PEBP4: variants seen among roughly 807,000 people sequenced by gnomAD.
PEBP4 encodes phosphatidylethanolamine-binding protein 4.
PEBP4 carries 22 observed loss-of-function variants against 23.9 expected under a neutral mutation model. That is an observed-to-expected ratio of 0.92 (90% CI 0.66 to 1.31). The LOEUF (loss-of-function observed/expected upper bound fraction) is 1.31, where lower values mean the gene tolerates loss of function less well. PEBP4 is among the 40% of genes most tolerant of loss of function. The pLI is 0.00. For missense variants in PEBP4, 324 were observed against 281.7 expected, an observed-to-expected ratio of 1.15 and a Z score of -1.07; for synonymous variants, 112 against 99.3, an observed-to-expected ratio of 1.13 and a Z score of -0.76.
At chr8:22,849,634 T>C (rs1010312652) in intron 3 of PEBP4, among the ~76,000 whole-genome samples, 8 of 152,252 alleles carry the variant, frequency 5.3e-5, no homozygotes. Flanking sequence ...ATGTGATTCA[T>C]GTCCCCAGTG....
chr8:22,860,862 C>A (rs1200495956), intron 3 of PEBP4, among the ~76,000 whole-genome samples: 1 of 152,166 alleles, frequency 6.6e-6, no homozygotes, highest in African/African-American at 2.4e-5. Flanking sequence ...CGGTGACAGC[C>A]CTGACTGTCC....
intron 1 of PEBP4, among the ~76,000 whole-genome samples, chr8:22,940,840 C>T (rs1809603690): frequency 6.6e-6 from 1 of 152,164 alleles, no homozygotes; most frequent in Admixed American, 6.5e-5. Flanking sequence ...TTTCTCTCCT[C>T]TGTCTCCTCT....
Position 22,804,474 on chromosome 8 carries a change from CT to C in PEBP4, c.357+13162del, listed in dbSNP as rs1423805919. On this transcript the variant is annotated intron_variant, in intron 4 of 6. Coordinates refer to ENST00000256404, the MANE Select transcript of PEBP4 (RefSeq NM_144962.3). ...CCAGATGCACATTTTTTCTTTCTTT[CT>C]TTCTTTTTTATTATGATGAGGTCAC... Among the ~76,000 whole-genome samples the C allele has an allele frequency of 5.9e-5, 9 of 152,132 alleles. No homozygotes were observed. The East Asian group carries it at 1.7e-3, about 29-fold the overall frequency.
chr8:22,814,773 T>C, intron 4 of PEBP4, among the ~76,000 whole-genome samples: 1 of 152,230 alleles, frequency 6.6e-6, no homozygotes, highest in Admixed American at 6.5e-5. Context: ...TATTATGGGG[T>C]CCAAAACACT....
intron 3 of PEBP4, among the ~76,000 whole-genome samples, chr8:22,822,354 AGTGTGTGTGTGTGT>A (rs34500729): frequency 6.8e-6 from 1 of 147,758 alleles, no homozygotes; most frequent in Non-Finnish European, 1.5e-5. Flanking sequence ...TATATACTAA[AGTGTGTGTGTGTGT>A]GTGTGTGTGT....
At chr8:22,932,171 T>A (rs796299432), upstream of PEBP4, among the ~76,000 whole-genome samples, 6 of 152,180 alleles carry the variant, frequency 3.9e-5, no homozygotes, top group South Asian at 1.2e-3. Flanking sequence ...TCCATTTATA[T>A]GAAATGTCCA....
chr8:22,907,986 A>G (rs1808850309), intron 3 of PEBP4, among the ~76,000 whole-genome samples: 1 of 150,696 alleles, frequency 6.6e-6, no homozygotes, highest in Admixed American at 6.6e-5. Context: ...GCACTCCTGC[A>G]TGGGTGACAG....
chr8:22,755,543 C>A (rs1194549206), intron 4 of PEBP4, among the ~76,000 whole-genome samples: 1 of 151,988 alleles, frequency 6.6e-6, no homozygotes, highest in Non-Finnish European at 1.5e-5. Flanking sequence ...ACCATGTTGG[C>A]CAGTCTGGTC....
chr8:22,825,414 G>A (rs1419463814), intron 3 of PEBP4, among the ~76,000 whole-genome samples: 2 of 152,234 alleles, frequency 1.3e-5, no homozygotes, highest in African/African-American at 4.8e-5. Flanking sequence ...TCCAACAAGG[G>A]AAGTGAATCT....
rs1563192297 is a variant in PEBP4 at position 22,717,452 on chromosome 8, ATG to A, written c.518-3918_518-3917del. Among the ~76,000 whole-genome samples the A allele has an allele frequency of 3.3e-3, 193 of 58,178 alleles. 1 individual carries two copies. The highest frequency in any genetic ancestry group is 0.018 in the African/African-American group (183 of 10,298). The allele number at this position is 58,178 out of a possible 152,430, so 38.2% of individuals were successfully genotyped here. A position where few individuals can be genotyped will look rare whatever the true frequency, so the allele number is the denominator to read the frequency against. ...CTTGGTCCTCAGTATTTCCGTCCTG[ATG>A]TATTTCCATCCTGATGTACTTCCCT... On this transcript the variant is annotated intron_variant, in intron 6 of 6. Transcript: ENST00000256404.
intron 3 of PEBP4, among the ~76,000 whole-genome samples, chr8:22,878,371 G>A (rs1227354088): frequency 6.6e-6 from 1 of 152,200 alleles, no homozygotes; most frequent in Non-Finnish European, 1.5e-5. Flanking sequence ...CTCTGCGGGA[G>A]AGGGTGGAGG....
At chr8:22,817,513 G>T (rs570745976) in intron 4 of PEBP4, 124 bp downstream of exon 4, 1 of 861,314 alleles carries the variant, frequency 1.2e-6, no homozygotes, top group Non-Finnish European at 1.9e-6. Context: ...GCTGAGCACT[G>T]GGGGAGATGG....
chr8:22,887,966 A>C (rs1228472393), intron 3 of PEBP4: 1 of 152,110 alleles, frequency 6.6e-6, no homozygotes, highest in Non-Finnish European at 1.5e-5. Context: ...CTGCTAACTC[A>C]AAATAATTTA....
chr8:22,767,118 T>C (rs556874952), intron 4 of PEBP4, among the ~76,000 whole-genome samples: 1 of 152,332 alleles, frequency 6.6e-6, no homozygotes, highest in African/African-American at 2.4e-5. Flanking sequence ...AGTACTTGCA[T>C]TTTAAAAGAT....
chr8:22,770,980 T>C (rs1805707411), intron 4 of PEBP4, among the ~76,000 whole-genome samples: 1 of 152,206 alleles, frequency 6.6e-6, no homozygotes, highest in African/African-American at 2.4e-5. Context: ...ACTCACTCAC[T>C]CGTGAGAAGG....
At chr8:22,901,653 C>A (rs907321198) in intron 3 of PEBP4, among the ~76,000 whole-genome samples, 2 of 152,206 alleles carry the variant, frequency 1.3e-5, no homozygotes, top group African/African-American at 2.4e-5. Context: ...CAAACCTACT[C>A]AAAGGATCCC....
chr8:22,872,143 T>C (rs937666290), intron 3 of PEBP4, among the ~76,000 whole-genome samples: 16 of 152,364 alleles, frequency 1.1e-4, no homozygotes, highest in Admixed American at 8.5e-4. Context: ...TCCTATGGTA[T>C]GTATACACCA....
intron 3 of PEBP4, among the ~76,000 whole-genome samples, chr8:22,849,967 T>A (rs557765140): frequency 6.7e-4 from 102 of 151,916 alleles, no homozygotes; most frequent in African/African-American, 2.3e-3. Context: ...TGGAAAGAAA[T>A]AGTGATCAAA....
chr8:22,859,674 A>G (rs1246928632), intron 3 of PEBP4, among the ~76,000 whole-genome samples: 2 of 151,340 alleles, frequency 1.3e-5, no homozygotes, highest in Non-Finnish European at 2.9e-5. Context: ...TAAACTCCAC[A>G]CTCCCTGACA....
Sources: allele counts gnomAD v4.1 joint callset (sites outside exome capture counted in the v4.1 genomes callset), GRCh38; gene constraint gnomAD v4.1.1; transcripts MANE v1.5; gene names NCBI Gene and HGNC (gene_info 2026-07-23, HGNC 2026-07-21).